PDE1C: variants seen among roughly 807,000 people sequenced by gnomAD.
PDE1C encodes the protein phosphodiesterase 1C, also known as dual specificity calcium/calmodulin-dependent 3',5'-cyclic nucleotide phosphodiesterase 1C.
PDE1C carries 62 observed loss-of-function variants against 93.1 expected under a neutral mutation model. The ratio of observed to expected loss-of-function variants is 0.67; its 90% CI spans 0.54 to 0.82. The LOEUF (loss-of-function observed/expected upper bound fraction) is 0.82, where lower values mean the gene tolerates loss of function less well. Among genes scored for constraint, PDE1C ranks in the 40% least tolerant of loss-of-function variants. PDE1C has a pLI of 0.00. For missense variants in PDE1C, 742 were observed against 884.6 expected (o/e 0.84, Z 2.04); for synonymous variants, 325 against 310.1 (o/e 1.05, Z -0.50).
Position 31,803,732 on chromosome 7 carries a change from A to AT in PDE1C, c.1891+5298dup, listed in dbSNP as rs974981996. Among the ~76,000 whole-genome samples the AT allele has an allele frequency of 2.6e-5, 4 of 152,036 alleles. No individual in the cohort carries two copies. The East Asian group carries it at 7.8e-4, about 30-fold the overall frequency. On this transcript the variant is annotated intron_variant, in intron 16 of 17. Coordinates refer to ENST00000396191, the MANE Select transcript of PDE1C (RefSeq NM_001191057.4). ...TCCCTACAAAGGACATGAACGCATC[A>AT]TTTTTTATGGCTGCATAGTATTCCA...
At chr7:31,977,520 T>C (rs1427524481) in intron 2 of PDE1C, among the ~76,000 whole-genome samples, 2 of 152,168 alleles carry the variant, frequency 1.3e-5, no homozygotes, top group African/African-American at 2.4e-5. Flanking sequence ...TTTACTATAG[T>C]TCTGCCTAGA....
intron 1 of PDE1C, among the ~76,000 whole-genome samples, chr7:32,214,899 C>T (rs980668726): frequency 1.3e-5 from 2 of 152,246 alleles, no homozygotes; most frequent in South Asian, 2.1e-4. Context: ...CCAACCTGGA[C>T]ATACAAGCAA....
At chr7:32,070,219 C>A in intron 1 of PDE1C, 74 bp downstream of exon 1, 1 of 1,601,404 alleles carries the variant, frequency 6.2e-7, no homozygotes, top group South Asian at 1.1e-5. Flanking sequence ...GGTGAGCAGT[C>A]GTGACTGCGG....
In PDE1C at chr7:31,804,515, ATAG is replaced by A. The variant is rs1786531183; in HGVS notation, c.1891+4513_1891+4515del. 2.6e-5 allele frequency among the ~76,000 whole-genome samples: 4 copies of A among 151,948 alleles called. No homozygotes were observed. The South Asian group carries it at 8.3e-4, about 32-fold the overall frequency. On this transcript the variant is annotated intron_variant, in intron 16 of 17. Coordinates refer to ENST00000396191, the MANE Select transcript of PDE1C (RefSeq NM_001191057.4). The stretch of plus-strand genomic sequence containing the variant: ...TCCCAGGGGATGTCTAAAACCTCAG[ATAG>A]TGCTGAAACCTATATGTATTACACA...
At chr7:32,059,557 T>C (rs1001877453) in intron 1 of PDE1C, among the ~76,000 whole-genome samples, 4 of 152,148 alleles carry the variant, frequency 2.6e-5, no homozygotes, top group Non-Finnish European at 5.9e-5. Context: ...GAAACAGAAA[T>C]CAAATCTGCT....
intron 6 of PDE1C, among the ~76,000 whole-genome samples, chr7:31,872,954 G>T (rs191085753): frequency 3.1e-4 from 47 of 152,268 alleles, no homozygotes; most frequent in Non-Finnish European, 6.0e-4. Context: ...CTCTGACAGC[G>T]TTGGTCAATA....
At chr7:32,085,231 G>T (rs947844544) in intron 3 of PDE1C, among the ~76,000 whole-genome samples, 1 of 149,158 alleles carries the variant, frequency 6.7e-6, no homozygotes, top group Non-Finnish European at 1.5e-5. Context: ...ACAACTCTAC[G>T]CAAATAAACT....
intron 3 of PDE1C, among the ~76,000 whole-genome samples, chr7:32,166,458 T>G (rs926148716): frequency 6.6e-6 from 1 of 152,136 alleles, no homozygotes; most frequent in Non-Finnish European, 1.5e-5. Flanking sequence ...CCTGGAAGCA[T>G]GCTCCCAAGA....
intron 1 of PDE1C, among the ~76,000 whole-genome samples, chr7:32,257,150 G>C (rs569524277): frequency 1.8e-4 from 28 of 152,270 alleles, no homozygotes; most frequent in African/African-American, 6.7e-4. Flanking sequence ...AGACACCAGT[G>C]CAAGAAATGA....
Position 31,878,009 on chromosome 7 carries a change from A to C in PDE1C, c.453T>G (p.Val151=). 1.2e-6 allele frequency: 2 copies of C among 1,613,204 alleles called. No individual in the cohort carries two copies. ...ERMYRRTSNM[V]GLSYPPAVIE... ...TAACAGCTGGTGGATAGCTCAGTCC[A>C]ACCATGTTTGATGTCCGTCTATACA... is the stretch of plus-strand genomic sequence containing the variant. The change falls in exon 5 of 18, where the codon GTT becomes GTG. Residue 151 remains valine (V), a synonymous_variant. Coordinates refer to ENST00000396191, the MANE Select transcript of PDE1C (RefSeq NM_001191057.4).
At chr7:31,728,585 T>A in the PDE1C span, among the ~76,000 whole-genome samples, 2 of 152,220 alleles carry the variant, frequency 1.3e-5, no homozygotes, top group Non-Finnish European at 2.9e-5. Context: ...CCCTCATTCC[T>A]CAGGTATTTG....
At chr7:31,866,431 T>C (rs1795304191) in intron 6 of PDE1C, among the ~76,000 whole-genome samples, 2 of 152,228 alleles carry the variant, frequency 1.3e-5, no homozygotes, top group African/African-American at 2.4e-5. Context: ...GAAAGGGCTG[T>C]GTGTGTGCAC....
chr7:32,228,494 G>A (rs1807457403), intron 1 of PDE1C, among the ~76,000 whole-genome samples: 1 of 152,140 alleles, frequency 6.6e-6, no homozygotes, highest in Non-Finnish European at 1.5e-5. Context: ...TTTGTCCGAG[G>A]GCACCCAGCT....
intron 2 of PDE1C, among the ~76,000 whole-genome samples, chr7:32,174,410 G>A (rs1230670497): frequency 4.6e-5 from 7 of 152,134 alleles, no homozygotes; most frequent in Non-Finnish European, 8.8e-5. Context: ...AGGGCTATGG[G>A]ACCCAGAGGA....
At chr7:31,770,201 T>C (rs1175213508) in intron 17 of PDE1C, among the ~76,000 whole-genome samples, 2 of 152,242 alleles carry the variant, frequency 1.3e-5, no homozygotes, top group African/African-American at 4.8e-5. Flanking sequence ...TTGTATATCT[T>C]CTTTGGAGAA....
At chr7:31,652,670 GGCTCCCT>G in the PDE1C span, 1 of 1,613,888 alleles carries the variant, frequency 6.2e-7, no homozygotes, top group African/African-American at 1.3e-5. Flanking sequence ...ATGGCCAGGA[GGCTCCCT>G]GTTCAGGTGG....
chr7:32,146,568 A>G (rs999136224), intron 3 of PDE1C, among the ~76,000 whole-genome samples: 4 of 152,244 alleles, frequency 2.6e-5, no homozygotes, highest in Admixed American at 2.6e-4. Flanking sequence ...TCTCTGAGAT[A>G]ATCCTGGATA....
rs551466179 is a variant in PDE1C, at chr7:31,947,522, G to A, written c.129-66662C>T. Among the ~76,000 whole-genome samples the A allele has an allele frequency of 9.2e-5, 14 of 152,292 alleles. No homozygotes were observed. In the East Asian group the frequency reaches 2.7e-3, roughly 29 times the overall value. On this transcript the variant is annotated intron_variant, in intron 2 of 17. Transcript: ENST00000396191. ...AGGCTGGGTCCTTTTTATTTCCAAA[G>A]GCTGGCTATGCCCTTCCAAAGTCAG...
chr7:31,776,639 C>T (rs1782991812), intron 16 of PDE1C, among the ~76,000 whole-genome samples: 1 of 151,974 alleles, frequency 6.6e-6, no homozygotes, highest in African/African-American at 2.4e-5. Flanking sequence ...AATATATACA[C>T]ACAGACACAT....
Sources: gnomAD v4.1 joint callset for allele counts (sites outside exome capture counted in the v4.1 genomes callset) on GRCh38, gnomAD v4.1.1 for gene constraint, MANE v1.5 for transcripts, NCBI Gene and HGNC (gene_info 2026-07-23, HGNC 2026-07-21) for gene names.